The following CPAMD8 variants were observed in gnomAD, a reference collection of about 807,000 sequenced individuals.
CPAMD8 encodes C3 and PZP like alpha-2-macroglobulin domain containing 8, also known as C3 and PZP-like alpha-2-macroglobulin domain-containing protein 8.
Under a neutral mutation model 224.7 loss-of-function variants are expected in CPAMD8, and 146 were observed. The ratio of observed to expected loss-of-function variants is 0.65; its 90% confidence interval spans 0.57 to 0.75. CPAMD8 has a LOEUF of 0.75. CPAMD8 is among the 30% of genes least tolerant of loss of function. CPAMD8 has a pLI of 0.00. For missense variants in CPAMD8, 2,301 were observed against 2,537.5 expected (o/e 0.91, Z 2.00); for synonymous variants, 966 against 1,044.6 (o/e 0.92, Z 1.45).
chr19:16,925,105 G>GT, intron 26 of CPAMD8, 91 bp downstream of exon 26: 2 of 1,379,028 alleles, frequency 1.5e-6, no homozygotes, highest in Non-Finnish European at 2.0e-6. Flanking sequence ...TGCACCTGGT[G>GT]TGTGGGCCAC....
chr19:16,959,933 A>C (rs867072045), intron 18 of CPAMD8, among the ~76,000 whole-genome samples: 2 of 152,176 alleles, frequency 1.3e-5, no homozygotes, highest in Admixed American at 1.3e-4. Context: ...AGAATAGAAG[A>C]AGCAAGGTAT....
intron 6 of CPAMD8, among the ~76,000 whole-genome samples, chr19:17,008,997 G>C (rs1379306330): frequency 6.6e-6 from 1 of 152,118 alleles, no homozygotes; most frequent in Non-Finnish European, 1.5e-5. Flanking sequence ...TCGGGAGGCT[G>C]AGGAAGGAGA....
intron 41 of CPAMD8, chr19:16,894,391 C>T (rs531226745): frequency 4.4e-6 from 2 of 456,650 alleles, no homozygotes; most frequent in Non-Finnish European, 8.8e-6. Context: ...CAGATGGTGT[C>T]GTCCTGCTCT....
chr19:17,003,551 C>T lies in CPAMD8; in HGVS notation c.673+722G>A, dbSNP rs537576554. Among the ~76,000 whole-genome samples, 156 of 151,218 alleles carry T rather than the reference C, an allele frequency of 1.0e-3. 2 individuals carry two copies. The South Asian group carries it at 0.032, about 31-fold the overall frequency. Reference sequence around the variant, plus strand: ...AAGAGTCCACTTTGGGAGGCTGAGGCGGAAGGATTGCTTGAGACCAGGAGT... The same window carrying T: ...AAGAGTCCACTTTGGGAGGCTGAGGTGGAAGGATTGCTTGAGACCAGGAGT... On this transcript the variant is annotated intron_variant, in intron 8 of 41. Transcript: ENST00000443236.
At chr19:17,005,998 T>C (rs1012957888) in intron 7 of CPAMD8, among the ~76,000 whole-genome samples, 1 of 151,900 alleles carries the variant, frequency 6.6e-6, no homozygotes, top group African/African-American at 2.4e-5. Context: ...AGAGTCTTGC[T>C]CTTTTGCCCA....
chr19:17,020,419 C>T, intron 2 of CPAMD8, 66 bp from the exon 3 acceptor site: 1 of 1,184,934 alleles, frequency 8.4e-7, no homozygotes, highest in Non-Finnish European at 1.3e-6. Context: ...CCCTGAGCTG[C>T]AGCCTCACAA....
Position 17,026,545 on chromosome 19 carries a change from A to G in CPAMD8, c.92+6T>C. 6.6e-7 allele frequency: 1 copy of G among 1,504,808 alleles called. No individual in the cohort carries two copies. The highest frequency in any genetic ancestry group is 2.2e-5 in the Admixed American group (1 of 45,078). 93.2% of individuals were successfully genotyped at this position (1,504,808 alleles called of 1,614,324 possible). ...CCGACCTCCTCTGTCGCCGGAGGAT[A>G]CTCACGGGGCCTGAGGCTGCGCGGC... is the stretch of plus-strand genomic sequence containing the variant. On this transcript the variant is annotated splice_donor_region_variant and intron_variant, in intron 1 of 41. Coordinates refer to ENST00000443236, the MANE Select transcript of CPAMD8 (RefSeq NM_015692.5).
intron 12 of CPAMD8, among the ~76,000 whole-genome samples, chr19:16,990,290 G>T (rs1320287949): frequency 1.3e-5 from 2 of 151,844 alleles, no homozygotes; most frequent in African/African-American, 2.4e-5. Flanking sequence ...TTGGTCAAAG[G>T]GTATTGGGGG....
chr19:17,015,595 T>C (rs1416455491), intron 3 of CPAMD8, among the ~76,000 whole-genome samples: 2 of 151,850 alleles, frequency 1.3e-5, no homozygotes, highest in Admixed American at 1.3e-4. Context: ...ACCTGTGAGG[T>C]CTCTTCTGAC....
chr19:16,928,956 C>T lies in CPAMD8; in HGVS notation c.3130G>A (p.Gly1044Ser), dbSNP rs1277182177. 4 of 1,606,394 alleles carry T rather than the reference C, an allele frequency of 2.5e-6. No homozygotes were observed. The highest frequency in any genetic ancestry group is 3.3e-4 in the Middle Eastern group (2 of 6,010). ...CTGCTGTATACCTGGATAAGGCCAC[C>T]ACGCCAGCTGATCCAGAATGTTCTG... is the stretch of plus-strand genomic sequence containing the variant. Reference protein sequence around the residue: ...EFRTFWISWRGGLIQVGHGPE... With the variant: ...EFRTFWISWRSGLIQVGHGPE... Residue 1044 changes from glycine (G) to serine (S), a missense_variant, in exon 24 of 42, where the codon GGT becomes AGT. This residue lies in a region of CPAMD8 where 1,709 missense variants were observed against 1,753.2 expected (regional missense o/e 0.97). Transcript: ENST00000443236.
intron 13 of CPAMD8, among the ~76,000 whole-genome samples, chr19:16,986,142 C>T (rs962681511): frequency 6.6e-6 from 1 of 152,018 alleles, no homozygotes; most frequent in Non-Finnish European, 1.5e-5. Flanking sequence ...AGGATGGGTG[C>T]CAAGATGTGG....
intron 27 of CPAMD8, 35 bp downstream of exon 27, chr19:16,921,870 C>A: frequency 7.0e-7 from 1 of 1,426,340 alleles, no homozygotes. Context: ...GGGCGGGGAG[C>A]CTCAGAGGCA....
chr19:16,929,015 G>A lies in CPAMD8; in HGVS notation c.3071C>T (p.Ala1024Val), dbSNP rs1369970712. ...TSKMGEPVAS[A>V]HTAKILSWDE... ...CCAGGAGAGGATCTTGGCCGTGTGT[G>A]CACTGGCCACGGGCTCTCCCATCTT... The change falls in exon 24 of 42, where the codon GCA becomes GTA. Residue 1024 changes from alanine to valine, a missense_variant. Physicochemically the swap from Ala to Val is moderately conservative, Grantham distance 64. Transcript: ENST00000443236. 6.2e-7 allele frequency: 1 copy of A among 1,613,764 alleles called. No individual in the cohort carries two copies. Among genetic ancestry groups the A allele is most frequent in the Non-Finnish European group, 8.5e-7 (1 of 1,179,672 alleles).
intron 13 of CPAMD8, among the ~76,000 whole-genome samples, chr19:16,984,436 T>C (rs962119082): frequency 4.6e-5 from 7 of 151,018 alleles, no homozygotes; most frequent in African/African-American, 1.5e-4. Flanking sequence ...GCTGAAACTA[T>C]AAAACTCTTA....
At chr19:17,011,182 G>A (rs1039295603) in intron 5 of CPAMD8, among the ~76,000 whole-genome samples, 1 of 152,042 alleles carries the variant, frequency 6.6e-6, no homozygotes, top group Non-Finnish European at 1.5e-5. Context: ...GCAATAGAGC[G>A]AGAGACTCGG....
Position 16,945,584 on chromosome 19 carries a change from C to T in CPAMD8, c.2758G>A (p.Gly920Arg), listed in dbSNP as rs771137068. 3.0e-5 allele frequency: 48 copies of T among 1,614,172 alleles called. No homozygotes were observed. The South Asian group carries it at 3.1e-4, about 10-fold the overall frequency. ...ACACTGCGCCTGACGTGATCCACCCCGATGGGGACCCTCCTGTCGGCGTGA... is the reference window on the plus strand; with the variant it reads ...ACACTGCGCCTGACGTGATCCACCCTGATGGGGACCCTCCTGTCGGCGTGA... Reference protein sequence around the residue: ...ENHADRRVPIGVDHVRRSVMV... With the variant: ...ENHADRRVPIRVDHVRRSVMV... The change falls in exon 22 of 42, where the codon GGG (glycine) becomes AGG (arginine). Residue 920 changes from glycine (G) to arginine (R), a missense_variant. Physicochemically the swap from Gly to Arg is moderately radical, Grantham distance 125. Around this residue, in one of 4 missense-constraint regions of CPAMD8, gnomAD observed 1,709 missense variants for 1,753.2 expected, o/e 0.97. Coordinates refer to ENST00000443236, the MANE Select transcript of CPAMD8 (RefSeq NM_015692.5).
At chr19:16,961,832 A>AGCAATATTTGCTGTTCT (rs954345469) in intron 18 of CPAMD8, among the ~76,000 whole-genome samples, 5 of 152,256 alleles carry the variant, frequency 3.3e-5, no homozygotes, top group Non-Finnish European at 7.3e-5. Flanking sequence ...AGGATCAGGC[A>AGCAATATTTGCTGTTCT]GCAATATTTG....
At chr19:16,998,017 T>C (rs769625886) in intron 10 of CPAMD8, among the ~76,000 whole-genome samples, 3 of 152,074 alleles carry the variant, frequency 2.0e-5, no homozygotes, top group African/African-American at 4.8e-5. Context: ...AGCTGTGGAG[T>C]AAATTACTCC....
At chr19:16,945,153 C>A (rs529366318) in intron 22 of CPAMD8, among the ~76,000 whole-genome samples, 1 of 152,144 alleles carries the variant, frequency 6.6e-6, no homozygotes, top group Non-Finnish European at 1.5e-5. Context: ...CTGCCTCTGC[C>A]CCCTGCAGCT....
Sources: allele counts gnomAD v4.1 joint callset (sites outside exome capture counted in the v4.1 genomes callset), GRCh38; gene constraint gnomAD v4.1.1; regional missense constraint gnomAD v4.1.1; transcripts MANE v1.5; gene names NCBI Gene and HGNC (gene_info 2026-07-23, HGNC 2026-07-21).